Variants in ZNF85 observed in about 807,000 individuals in gnomAD.
The protein encoded by ZNF85 is zinc finger protein 85 (HPF4, HTF1).
In ZNF85, 50 loss-of-function variants were observed where a neutral mutation model predicts 53.9. The observed-to-expected ratio is 0.93, with a 90% CI of 0.74 to 1.17. The LOEUF is 1.17. Among genes scored for constraint, ZNF85 ranks in the 50% most tolerant of loss-of-function variants. The pLI is 0.00. For missense variants in ZNF85, 747 were observed against 688.5 expected (o/e 1.08, Z -0.95); for synonymous variants, 225 against 226.1 (o/e 1.00, Z 0.04).
intron 3 of ZNF85, chr19:20,943,369 C>G (rs1276021227): frequency 1.3e-5 from 2 of 152,282 alleles, no homozygotes; most frequent in African/African-American, 4.8e-5. Flanking sequence ...TCTGTTAATT[C>G]AGATGAGAGC....
chr19:20,923,759 G>A lies in ZNF85; in HGVS notation c.3+356G>A, dbSNP rs183455968. Among the ~76,000 whole-genome samples, 9 of 152,216 alleles carry A rather than the reference G, an allele frequency of 5.9e-5. No individual in the cohort carries two copies. The East Asian group carries it at 1.7e-3, about 29-fold the overall frequency. On this transcript the variant is annotated intron_variant, in intron 1 of 3. Coordinates refer to ENST00000328178, the MANE Select transcript of ZNF85 (RefSeq NM_003429.5). ...TTCATGAAAGAGCTTTGGGCTGTGG[G>A]GTTCCCAGTTCCTCTTTTTTTCTGT...
At chr19:20,943,621 C>T (rs569005307) in intron 3 of ZNF85, 6 of 152,192 alleles carry the variant, frequency 3.9e-5, no homozygotes, top group South Asian at 2.1e-4. Context: ...TATTCTGTAA[C>T]GTTGTCTAAG....
At chr19:20,943,543 T>A (rs1266728429) in intron 3 of ZNF85, 1 of 151,030 alleles carries the variant, frequency 6.6e-6, no homozygotes, top group Non-Finnish European at 1.5e-5. Context: ...TGCCCAACGA[T>A]GAACCAAACA....
At position 20,949,005 on chromosome 19, in the gene ZNF85, A is replaced by G. The variant is rs754034618; in HGVS notation, c.491A>G (p.His164Arg). The G allele has an allele frequency of 5.0e-6, 8 of 1,613,616 alleles. No homozygotes were observed. In the African/African-American group the frequency reaches 6.7e-5, roughly 13 times the overall value. Residue 164 changes from histidine to arginine, a missense_variant, in exon 4 of 4, where the codon CAT becomes CGT. Transcript: ENST00000328178. ...VAHKFSNSNR[H>R]EIRHTKKKPF... ...CATAAATTTTCAAATTCAAACAGAC[A>G]TGAGATAAGACATACTAAAAAGAAA... is the stretch of plus-strand genomic sequence containing the variant.
rs143325855 is a variant in ZNF85, at chr19:20,934,388, C to T, written c.130+238C>T. 7.7e-3 allele frequency among the ~76,000 whole-genome samples: 1,176 copies of T among 152,166 alleles called. 16 individuals carry two copies. Among genetic ancestry groups the T allele is most frequent in the South Asian group, 0.032 (156 of 4,816 alleles). On this transcript the variant is annotated intron_variant, in intron 2 of 3. Coordinates refer to ENST00000328178, the MANE Select transcript of ZNF85 (RefSeq NM_003429.5). ...TCCTTCACTGTAGATTACTAAATTC[C>T]ACAAATTTAATGGCATAAAATTTTT...
intron 3 of ZNF85, among the ~76,000 whole-genome samples, chr19:20,940,103 G>GAA (rs143322119): frequency 1.1e-4 from 15 of 137,172 alleles, no homozygotes; most frequent in South Asian, 4.6e-4. Context: ...TCCTTTATGT[G>GAA]AAAAAAAAAA....
chr19:20,949,522 T>A lies in ZNF85; in HGVS notation c.1008T>A (p.His336Gln). 1 of 1,613,406 alleles carries A rather than the reference T, an allele frequency of 6.2e-7. No individual in the cohort carries two copies. ...ACCTTACTACACATAAGATAATTCA[T>A]ACTGGAGAGAAACCCTACAAATGTA... ...SSNLTTHKIIHTGEKPYKCKK... is the reference protein window; with the variant it reads ...SSNLTTHKIIQTGEKPYKCKK... Residue 336 changes from histidine (H) to glutamine (Q), a missense_variant, in exon 4 of 4, where the codon CAT becomes CAA. Physicochemically the swap from His to Gln is conservative, Grantham distance 24. Transcript: ENST00000328178.
At chr19:20,947,835 T>A (rs1973460226) in intron 3 of ZNF85, among the ~76,000 whole-genome samples, 1 of 151,920 alleles carries the variant, frequency 6.6e-6, no homozygotes, top group Non-Finnish European at 1.5e-5. Flanking sequence ...GTTATCCTCA[T>A]TCTTCTAATT....
intron 1 of ZNF85, among the ~76,000 whole-genome samples, chr19:20,929,404 G>C (rs1029935149): frequency 1.3e-4 from 20 of 152,014 alleles, no homozygotes; most frequent in Non-Finnish European, 2.8e-4. Context: ...GGCCAGGTTG[G>C]TCTCAAACTC....
At chr19:20,941,847 A>G (rs1405662681) in intron 3 of ZNF85, among the ~76,000 whole-genome samples, 1 of 152,140 alleles carries the variant, frequency 6.6e-6, no homozygotes, top group Non-Finnish European at 1.5e-5. Context: ...CATGCGTTTA[A>G]TGTCGTATCT....
At chr19:20,943,916 T>C (rs1973362076) in intron 3 of ZNF85, 1 of 160,964 alleles carries the variant, frequency 6.2e-6, no homozygotes, top group African/African-American at 2.4e-5. Context: ...AATATAATTA[T>C]GAGTGTCTTA....
At chr19:20,939,040 A>G (rs2144641416) in intron 3 of ZNF85, among the ~76,000 whole-genome samples, 1 of 152,228 alleles carries the variant, frequency 6.6e-6, no homozygotes, top group East Asian at 1.9e-4. Flanking sequence ...TCATTACAAT[A>G]TTCTATTTAT....
intron 3 of ZNF85, among the ~76,000 whole-genome samples, chr19:20,935,988 A>G (rs1425030799): frequency 6.6e-6 from 1 of 152,050 alleles, no homozygotes; most frequent in African/African-American, 2.4e-5. Flanking sequence ...GTTTCTTTCT[A>G]TGATATCTTA....
intron 3 of ZNF85, chr19:20,946,534 T>A (rs1973425653): frequency 4.4e-6 from 1 of 227,600 alleles, no homozygotes; most frequent in South Asian, 5.5e-5. Flanking sequence ...AATATTTGTT[T>A]TATATATTTG....
At chr19:20,929,599 G>A (rs1972960040) in intron 1 of ZNF85, among the ~76,000 whole-genome samples, 1 of 148,172 alleles carries the variant, frequency 6.7e-6, no homozygotes, top group Non-Finnish European at 1.5e-5. Flanking sequence ...AATTGAGGGG[G>A]CAGTGGCTTG....
At chr19:20,927,241 G>A (rs191384803) in intron 1 of ZNF85, 129 of 151,916 alleles carry the variant, frequency 8.5e-4, no homozygotes, top group African/African-American at 3.1e-3. Flanking sequence ...TTCACCTGAG[G>A]TCAGGAGTTT....
At chr19:20,943,750 G>A (rs974964982) in intron 3 of ZNF85, 1 of 151,932 alleles carries the variant, frequency 6.6e-6, no homozygotes, top group Non-Finnish European at 1.5e-5. Flanking sequence ...GTCAATATTT[G>A]CTTTACGTAT....
chr19:20,940,547 A>T (rs906439455), intron 3 of ZNF85, among the ~76,000 whole-genome samples: 1 of 151,992 alleles, frequency 6.6e-6, no homozygotes, highest in African/African-American at 2.4e-5. Flanking sequence ...CAAAAAAAAA[A>T]TAGCTTTATA....
chr19:20,924,133 G>C (rs1214239060), intron 1 of ZNF85, among the ~76,000 whole-genome samples: 2 of 150,000 alleles, frequency 1.3e-5, no homozygotes, highest in Admixed American at 6.6e-5. Context: ...AAATATTAAA[G>C]AACTTAAAAA....
Sources: allele counts gnomAD v4.1 joint callset (sites outside exome capture counted in the v4.1 genomes callset), GRCh38; gene constraint gnomAD v4.1.1; transcripts MANE v1.5; gene names NCBI Gene and HGNC (gene_info 2026-07-23, HGNC 2026-07-21).